POLA1: variants seen among roughly 807,000 people sequenced by gnomAD.
POLA1 encodes DNA polymerase alpha 1, catalytic subunit.
A neutral mutation model predicts 124.0 loss-of-function variants in POLA1; 15 were observed. That is an observed-to-expected ratio of 0.12 (90% CI 0.08 to 0.19). POLA1 has a LOEUF of 0.19. Among genes scored for constraint, POLA1 ranks in the 10% least tolerant of loss-of-function variants. The probability of loss-of-function intolerance (pLI) is 1.00; values close to 1 mark genes in which losing one functional copy is unlikely to be tolerated. For missense variants in POLA1, 886 were observed against 1,103.4 expected, an observed-to-expected ratio of 0.80 and a Z score of 2.79; for synonymous variants, 408 against 389.4, an observed-to-expected ratio of 1.05 and a Z score of -0.56.
rs11295214 is a variant in POLA1 at position 24,784,059 on chromosome X, CTT to C, written c.2965-25819_2965-25818del. Among the ~76,000 whole-genome samples, 360 of 59,481 alleles carry C rather than the reference CTT, an allele frequency of 6.1e-3. 1 individual carries two copies. Among genetic ancestry groups the C allele is most frequent in the African/African-American group, 0.021 (277 of 13,467 alleles). The allele number at this position is 59,481 out of a possible 115,157, so 51.7% of individuals were successfully genotyped here. A position where few individuals can be genotyped will look rare whatever the true frequency, so the allele number is the denominator to read the frequency against. On this transcript the variant is annotated intron_variant, in intron 26 of 36. Transcript: ENST00000379068. ...CATTTTATCTGCAAGATTTATATTTCTTTTTTTTTTTTTTTTTTTTTGAGATG... is the reference window on the plus strand; with the variant it reads ...CATTTTATCTGCAAGATTTATATTTCTTTTTTTTTTTTTTTTTTTGAGATG...
At chrX:24,706,639 A>G (rs1017869375) in intron 4 of POLA1, among the ~76,000 whole-genome samples, 8 of 112,283 alleles carry the variant, frequency 7.1e-5, no homozygotes, top group African/African-American at 2.6e-4. Context: ...TAAAATACAC[A>G]CAAAATAATG....
intron 10 of POLA1, among the ~76,000 whole-genome samples, chrX:24,719,414 A>C: frequency 8.9e-6 from 1 of 111,925 alleles, no homozygotes; most frequent in East Asian, 2.8e-4. Flanking sequence ...CAATTTTAGA[A>C]ATGATATCTT....
At chrX:24,993,666 C>A (rs919563320) in intron 36 of POLA1, among the ~76,000 whole-genome samples, 1 of 111,694 alleles carries the variant, frequency 9.0e-6, no homozygotes, top group African/African-American at 3.3e-5. Context: ...GTGACTCCTT[C>A]CCCCCACCAG....
In POLA1 at chrX:24,932,024, A is replaced by G. The variant is rs969731645; in HGVS notation, c.4261+1475A>G. 3.6e-5 allele frequency among the ~76,000 whole-genome samples: 4 copies of G among 111,502 alleles called. No homozygotes were observed. In the Admixed American group the frequency reaches 3.8e-4, roughly 11 times the overall value. On this transcript the variant is annotated intron_variant, in intron 36 of 36. Coordinates refer to ENST00000379068, the MANE Select transcript of POLA1 (RefSeq NM_001330360.2). Reference sequence around the variant, plus strand: ...AATGATTCTCCTGCCTCAGCCTCCCAAGTAGCTGGGATTATAGGCATGTGC... The same window carrying G: ...AATGATTCTCCTGCCTCAGCCTCCCGAGTAGCTGGGATTATAGGCATGTGC...
At chrX:24,956,764 T>C (rs939149081) in intron 36 of POLA1, among the ~76,000 whole-genome samples, 12 of 112,174 alleles carry the variant, frequency 1.1e-4, no homozygotes, top group Admixed American at 1.9e-4. Context: ...GCTTAATAAA[T>C]AGTTAATAAA....
chrX:24,861,016 G>T (rs777023124), intron 34 of POLA1, among the ~76,000 whole-genome samples: 29 of 112,419 alleles, frequency 2.6e-4, no homozygotes, highest in Non-Finnish European at 4.1e-4. Context: ...AATCAAAGTT[G>T]TTTTATCATG....
intron 26 of POLA1, among the ~76,000 whole-genome samples, chrX:24,759,409 C>T (rs895493401): frequency 1.1e-4 from 12 of 111,923 alleles, no homozygotes; most frequent in Non-Finnish European, 9.4e-5. Flanking sequence ...TTCTACCTAG[C>T]CCCTAAGCCC....
intron 34 of POLA1, among the ~76,000 whole-genome samples, chrX:24,851,245 G>C (rs10521670): frequency 0.16 from 17,694 of 111,857 alleles, 3,087 homozygotes; most frequent in African/African-American, 0.52. Flanking sequence ...TGTGCCTAAC[G>C]TGATAGGTGC....
intron 35 of POLA1, among the ~76,000 whole-genome samples, chrX:24,905,251 A>G (rs181963747): frequency 3.0e-3 from 331 of 109,519 alleles, no homozygotes; most frequent in African/African-American, 9.8e-3. Context: ...TCACAGCCCA[A>G]ATTTAATGAA....
intron 36 of POLA1, among the ~76,000 whole-genome samples, chrX:24,943,511 T>G (rs967232504): frequency 2.7e-5 from 3 of 112,151 alleles, no homozygotes; most frequent in African/African-American, 9.7e-5. Context: ...ATATATTGCC[T>G]TACCAAAAAA....
chrX:24,784,410 TACATATACTTTTTAA>T (rs1169989291), intron 26 of POLA1, among the ~76,000 whole-genome samples: 1 of 111,431 alleles, frequency 9.0e-6, no homozygotes, highest in Non-Finnish European at 1.9e-5. Flanking sequence ...AATACTATTT[TACATATACTTTTTAA>T]AAATATACAT....
intron 10 of POLA1, among the ~76,000 whole-genome samples, chrX:24,719,450 A>T (rs1930060915): frequency 8.9e-6 from 1 of 111,881 alleles, no homozygotes. Context: ...GGACAAAATG[A>T]TTTGATTATA....
At chrX:24,733,734 T>A (rs944383445) in intron 16 of POLA1, 21 bp from the exon 17 acceptor site, 25 of 966,193 alleles carry the variant, frequency 2.6e-5, no homozygotes, top group Admixed American at 2.4e-4. Context: ...TTGGAATCTT[T>A]ATTTTTTTTC....
chrX:24,905,850 A>G (rs2147169149), intron 35 of POLA1, among the ~76,000 whole-genome samples: 1 of 112,403 alleles, frequency 8.9e-6, no homozygotes, highest in South Asian at 3.7e-4. Context: ...GGCATGAGCC[A>G]CTGTGCCTGG....
chrX:24,892,142 A>G (rs1211013743), intron 35 of POLA1, among the ~76,000 whole-genome samples: 1 of 110,435 alleles, frequency 9.1e-6, no homozygotes, highest in Non-Finnish European at 1.9e-5. Flanking sequence ...CAGATATTTC[A>G]TTCATATATA....
intron 26 of POLA1, among the ~76,000 whole-genome samples, chrX:24,799,510 C>T (rs1259376436): frequency 8.9e-6 from 1 of 112,334 alleles, no homozygotes; most frequent in Non-Finnish European, 1.9e-5. Flanking sequence ...CAGAATTGCC[C>T]AACTTCATTA....
intron 36 of POLA1, among the ~76,000 whole-genome samples, chrX:24,990,447 T>A (rs1448643561): frequency 8.9e-6 from 1 of 112,423 alleles, no homozygotes; most frequent in Non-Finnish European, 1.9e-5. Context: ...CCCTTCCTGC[T>A]CTGAGAGCGC....
At chrX:24,784,691 T>A (rs1317999703) in intron 26 of POLA1, among the ~76,000 whole-genome samples, 1 of 111,202 alleles carries the variant, frequency 9.0e-6, no homozygotes, top group African/African-American at 3.3e-5. Context: ...CTCAAAAAAA[T>A]AAATAAAAAT....
At chrX:24,995,354 G>A (rs1032885452) in intron 36 of POLA1, among the ~76,000 whole-genome samples, 1 of 112,140 alleles carries the variant, frequency 8.9e-6, no homozygotes, top group African/African-American at 3.2e-5. Flanking sequence ...ACTAGAAAAT[G>A]CTTACTAGGC....
Sources: allele counts gnomAD v4.1 joint callset (sites outside exome capture counted in the v4.1 genomes callset), GRCh38; gene constraint gnomAD v4.1.1; transcripts MANE v1.5; gene names NCBI Gene and HGNC (gene_info 2026-07-23, HGNC 2026-07-21).